Variants in VPS13B observed in about 807,000 individuals in gnomAD.
VPS13B encodes the protein vacuolar protein sorting 13 homolog B.
VPS13B carries 285 observed loss-of-function variants against 426.4 expected under a neutral mutation model. The observed-to-expected ratio is 0.67, with a 90% CI of 0.61 to 0.74. The LOEUF is 0.74. VPS13B is among the 30% of genes least tolerant of loss of function. The pLI, the probability that VPS13B is intolerant of heterozygous loss-of-function variation, is 0.00. For synonymous variants in VPS13B, 1,676 were observed against 1,676.4 expected, an observed-to-expected ratio of 1.00 and a Z score of 0.01; for missense variants, 4,537 against 4,782.6, an observed-to-expected ratio of 0.95 and a Z score of 1.51.
chr8:99,497,354 AAAT>A (rs1003044089), intron 25 of VPS13B, among the ~76,000 whole-genome samples: 2 of 146,408 alleles, frequency 1.4e-5, no homozygotes, highest in African/African-American at 4.9e-5. Flanking sequence ...TATATACATA[AAAT>A]AATATGTATA....
intron 51 of VPS13B, among the ~76,000 whole-genome samples, chr8:99,832,036 G>A (rs371652112): frequency 3.8e-4 from 58 of 152,204 alleles, no homozygotes; most frequent in Middle Eastern, 3.4e-3. Context: ...CAAGGTGGGC[G>A]GATCACTTGA....
At chr8:99,322,136 G>A (rs1357021379) in intron 19 of VPS13B, among the ~76,000 whole-genome samples, 1 of 152,056 alleles carries the variant, frequency 6.6e-6, no homozygotes, top group Non-Finnish European at 1.5e-5. Context: ...CCTTGCTTTT[G>A]CCTTTTCCTT....
chr8:99,061,296 C>CTTTTT (rs36037937), intron 3 of VPS13B, among the ~76,000 whole-genome samples: 2 of 112,948 alleles, frequency 1.8e-5, no homozygotes, highest in Admixed American at 9.4e-5. Flanking sequence ...TGCTAATTTT[C>CTTTTT]TTTTTTTTTT....
chr8:99,683,549 C>T lies in VPS13B; in HGVS notation c.6047-15976C>T, dbSNP rs954918573. On this transcript the variant is annotated intron_variant, in intron 35 of 61. Coordinates refer to ENST00000357162, the MANE Select transcript of VPS13B (RefSeq NM_152564.5). ...TTTATTGTCAGCATTTTGTAGTTTT[C>T]AGCATACAGATCCTATGACCATTTG... is the stretch of plus-strand genomic sequence containing the variant. 3.3e-5 allele frequency among the ~76,000 whole-genome samples: 5 copies of T among 152,094 alleles called. No homozygotes were observed. In the East Asian group the frequency reaches 9.6e-4, roughly 29 times the overall value.
At chr8:99,598,936 A>T (rs1181408850) in intron 33 of VPS13B, among the ~76,000 whole-genome samples, 1 of 151,760 alleles carries the variant, frequency 6.6e-6, no homozygotes, top group Non-Finnish European at 1.5e-5. Context: ...TTTAGCCAAC[A>T]TAAAATATAC....
intron 17 of VPS13B, among the ~76,000 whole-genome samples, chr8:99,248,779 A>G (rs1024193123): frequency 6.6e-6 from 1 of 152,134 alleles, no homozygotes; most frequent in African/African-American, 2.4e-5. Context: ...TTTTCTTTCT[A>G]AATCTGTCAT....
chr8:99,729,152 G>A (rs187220682), intron 39 of VPS13B, among the ~76,000 whole-genome samples: 1 of 152,170 alleles, frequency 6.6e-6, no homozygotes, highest in East Asian at 1.9e-4. Context: ...TTACCAACAC[G>A]GCTGAATTTG....
At chr8:99,582,095 C>A (rs1826092450) in intron 33 of VPS13B, among the ~76,000 whole-genome samples, 3 of 152,182 alleles carry the variant, frequency 2.0e-5, no homozygotes. Flanking sequence ...ATTTCTTAAC[C>A]AGTGTTTAAC....
At chr8:99,675,852 T>C (rs996133296) in intron 35 of VPS13B, among the ~76,000 whole-genome samples, 1 of 152,128 alleles carries the variant, frequency 6.6e-6, no homozygotes, top group East Asian at 1.9e-4. Flanking sequence ...TTTTCTTATG[T>C]TGTTGAATTG....
At chr8:99,192,035 AT>A (rs971128269) in intron 16 of VPS13B, among the ~76,000 whole-genome samples, 94 of 151,994 alleles carry the variant, frequency 6.2e-4, no homozygotes, top group East Asian at 5.2e-3. Context: ...TAGCATCCTG[AT>A]TTTTTTTAAT....
At chr8:99,163,395 C>T (rs148529036) in intron 15 of VPS13B, among the ~76,000 whole-genome samples, 7,480 of 152,336 alleles carry the variant, frequency 0.049, 209 homozygotes, top group African/African-American at 0.071. Context: ...GCACCGTGCA[C>T]TCGCATTCCT....
chr8:99,016,841 C>G (rs934671065), intron 2 of VPS13B, among the ~76,000 whole-genome samples: 16 of 152,032 alleles, frequency 1.1e-4, no homozygotes, highest in Admixed American at 1.0e-3. Context: ...CCTCCTGTCT[C>G]GGCCTCCCAA....
At chr8:99,248,253 T>C (rs909121964) in intron 17 of VPS13B, among the ~76,000 whole-genome samples, 5 of 152,324 alleles carry the variant, frequency 3.3e-5, no homozygotes, top group Non-Finnish European at 7.4e-5. Flanking sequence ...CGAAAGACTT[T>C]TTTCAGGGAA....
In VPS13B at chr8:99,777,997, C is replaced by T. The variant is rs147249202; in HGVS notation, c.7430-685C>T. Among the ~76,000 whole-genome samples, 444 of 152,078 alleles carry T rather than the reference C, an allele frequency of 2.9e-3. 6 individuals are homozygous for T. Among genetic ancestry groups the T allele is most frequent in the South Asian group, 0.018 (87 of 4,808 alleles). The stretch of plus-strand genomic sequence containing the variant: ...CTGTAATCCCAACACTTTGGGAGGC[C>T]GAGGCGGGTGGATCACCATGTCAGG... On this transcript the variant is annotated intron_variant, in intron 41 of 61. Transcript: ENST00000357162.
chr8:99,699,131 C>CTTTTTTT (rs370004663), intron 35 of VPS13B, among the ~76,000 whole-genome samples: 3 of 90,554 alleles, frequency 3.3e-5, no homozygotes, highest in Non-Finnish European at 4.5e-5. Flanking sequence ...TAAGGAAAGT[C>CTTTTTTT]TTTTTTTTTT....
At chr8:99,620,316 A>C (rs753945136) in intron 33 of VPS13B, among the ~76,000 whole-genome samples, 17 of 152,244 alleles carry the variant, frequency 1.1e-4, no homozygotes, top group Non-Finnish European at 1.5e-4. Flanking sequence ...TTTTCCTCTT[A>C]TGTCCCAAGC....
At chr8:99,062,527 GGCGTCAT>G (rs2132303380) in intron 3 of VPS13B, among the ~76,000 whole-genome samples, 1 of 152,152 alleles carries the variant, frequency 6.6e-6, no homozygotes, top group East Asian at 1.9e-4. Context: ...GGAGTGCATG[GGCGTCAT>G]CTCGGCTCAC....
intron 19 of VPS13B, among the ~76,000 whole-genome samples, chr8:99,349,194 G>A (rs1210938259): frequency 4.0e-5 from 6 of 148,196 alleles, no homozygotes; most frequent in African/African-American, 1.5e-4. Flanking sequence ...TTAGCCGGGC[G>A]TAGTGGCGGG....
chr8:99,707,038 C>T (rs1376178990), intron 36 of VPS13B, among the ~76,000 whole-genome samples: 1 of 152,106 alleles, frequency 6.6e-6, no homozygotes, highest in African/African-American at 2.4e-5. Flanking sequence ...CCTGGTTGGT[C>T]CCCTGGACTT....
Sources: gnomAD v4.1 joint callset for allele counts (sites outside exome capture counted in the v4.1 genomes callset) on GRCh38, gnomAD v4.1.1 for gene constraint, MANE v1.5 for transcripts, NCBI Gene and HGNC (gene_info 2026-07-23, HGNC 2026-07-21) for gene names.